Variants in CADM1 observed in about 807,000 individuals in gnomAD.
The protein encoded by CADM1 is cell adhesion molecule 1.
CADM1 carries 15 observed loss-of-function variants against 53.1 expected under a neutral mutation model. That is an observed-to-expected ratio of 0.28 (90% CI 0.19 to 0.44). CADM1 has a LOEUF of 0.44. Among genes scored for constraint, CADM1 ranks in the 20% least tolerant of loss-of-function variants. CADM1 has a pLI of 1.00. For missense variants in CADM1, 434 were observed against 611.3 expected (o/e 0.71, Z 3.06); for synonymous variants, 281 against 243.0 (o/e 1.16, Z -1.45).
chr11:115,462,825 T>C (rs1948824602), intron 1 of CADM1, among the ~76,000 whole-genome samples: 1 of 152,136 alleles, frequency 6.6e-6, no homozygotes, highest in African/African-American at 2.4e-5. Flanking sequence ...TCTATATGGC[T>C]AGCACCTAGA....
chr11:115,498,193 G>A (rs1472631961), intron 1 of CADM1, among the ~76,000 whole-genome samples: 1 of 152,020 alleles, frequency 6.6e-6, no homozygotes, highest in Non-Finnish European at 1.5e-5. Context: ...CAAAAATAAG[G>A]CCCAAATACT....
Position 115,408,185 on chromosome 11 carries a change from CTT to C in CADM1, c.124+96084_124+96085del, listed in dbSNP as rs1412537134. On this transcript the variant is annotated intron_variant, in intron 1 of 11. Coordinates refer to ENST00000331581, the MANE Select transcript of CADM1 (RefSeq NM_001301043.2). ...CAACAGCTTAAACAAAAGCCCCACT[CTT>C]TCTTATTTTTACATGTGAACACTGG... 2.6e-5 allele frequency among the ~76,000 whole-genome samples: 4 copies of C among 152,252 alleles called. No homozygotes were observed. The East Asian group carries it at 7.7e-4, about 29-fold the overall frequency.
At chr11:115,246,389 TA>T (rs1263134097) in intron 1 of CADM1, among the ~76,000 whole-genome samples, 1 of 152,208 alleles carries the variant, frequency 6.6e-6, no homozygotes, top group African/African-American at 2.4e-5. Context: ...GGCTTAGAGA[TA>T]AAATAAACTA....
chr11:115,254,957 G>A (rs764243410), intron 1 of CADM1, among the ~76,000 whole-genome samples: 1 of 152,092 alleles, frequency 6.6e-6, no homozygotes, highest in Non-Finnish European at 1.5e-5. Flanking sequence ...GAGAGGGATG[G>A]GAGGCTGAGG....
chr11:115,458,357 C>T (rs1021312669), intron 1 of CADM1, among the ~76,000 whole-genome samples: 22 of 151,978 alleles, frequency 1.4e-4, no homozygotes, highest in Non-Finnish European at 2.4e-4. Context: ...CTATCCAATG[C>T]TCAGTTTCCT....
At chr11:115,216,496 T>A (rs1402416939) in intron 6 of CADM1, among the ~76,000 whole-genome samples, 25 of 152,190 alleles carry the variant, frequency 1.6e-4, no homozygotes, top group Admixed American at 1.6e-3. Context: ...CTCCATTGGA[T>A]TATTCTGGAA....
intron 8 of CADM1, among the ~76,000 whole-genome samples, chr11:115,204,425 G>GAAAC (rs1310244683): frequency 2.0e-5 from 3 of 152,162 alleles, no homozygotes; most frequent in African/African-American, 4.8e-5. Context: ...CATGATAAGG[G>GAAAC]GTTTAGGGAG....
intron 1 of CADM1, among the ~76,000 whole-genome samples, chr11:115,406,950 TA>T (rs200226896): frequency 4.8e-3 from 655 of 135,458 alleles, no homozygotes; most frequent in Non-Finnish European, 6.4e-3. Context: ...AACTCTGTCT[TA>T]AAAAAAAAAA....
chr11:115,266,783 T>C (rs1194406520), intron 1 of CADM1, among the ~76,000 whole-genome samples: 1 of 152,236 alleles, frequency 6.6e-6, no homozygotes, highest in Non-Finnish European at 1.5e-5. Context: ...GCATTCTGTA[T>C]CTTAATAAAA....
At chr11:115,204,771 C>G (rs562632318) in intron 8 of CADM1, among the ~76,000 whole-genome samples, 6 of 152,144 alleles carry the variant, frequency 3.9e-5, no homozygotes, top group Non-Finnish European at 7.3e-5. Context: ...CTATACCCAC[C>G]TTCTTTATGT....
At chr11:115,398,129 C>T (rs1314422083) in intron 1 of CADM1, among the ~76,000 whole-genome samples, 2 of 152,196 alleles carry the variant, frequency 1.3e-5, no homozygotes, top group Non-Finnish European at 2.9e-5. Context: ...ATCCCCTCTT[C>T]CGTGAGGTTT....
At chr11:115,282,619 G>T (rs565404131) in intron 1 of CADM1, among the ~76,000 whole-genome samples, 2 of 152,190 alleles carry the variant, frequency 1.3e-5, no homozygotes, top group Non-Finnish European at 2.9e-5. Context: ...CTGGGGAGCT[G>T]TGATGGGAGG....
intron 5 of CADM1, among the ~76,000 whole-genome samples, chr11:115,218,981 T>C (rs906268196): frequency 2.7e-5 from 4 of 149,380 alleles, no homozygotes; most frequent in Non-Finnish European, 4.5e-5. Context: ...GATCGTTTTT[T>C]TCAGTGCTGA....
At chr11:115,473,810 A>T (rs1243951891) in intron 1 of CADM1, among the ~76,000 whole-genome samples, 2 of 152,184 alleles carry the variant, frequency 1.3e-5, no homozygotes, top group Non-Finnish European at 2.9e-5. Context: ...CATCAAAAAC[A>T]CAACCCATAA....
intron 1 of CADM1, among the ~76,000 whole-genome samples, chr11:115,472,049 C>G (rs1196675790): frequency 2.0e-5 from 3 of 152,178 alleles, no homozygotes; most frequent in South Asian, 4.1e-4. Flanking sequence ...AAATTGACTA[C>G]AGATTTGACC....
intron 1 of CADM1, among the ~76,000 whole-genome samples, chr11:115,432,536 G>C (rs1948082809): frequency 6.6e-6 from 1 of 152,110 alleles, no homozygotes; most frequent in Non-Finnish European, 1.5e-5. Flanking sequence ...TGATCAATAA[G>C]TGTTTAATGA....
intron 1 of CADM1, among the ~76,000 whole-genome samples, chr11:115,430,326 CTTTATTTA>C (rs919207575): frequency 6.6e-6 from 1 of 152,000 alleles, no homozygotes; most frequent in Non-Finnish European, 1.5e-5. Context: ...TCCTGACAAT[CTTTATTTA>C]TTTAAGATTT....
intron 1 of CADM1, among the ~76,000 whole-genome samples, chr11:115,391,814 A>G (rs892259510): frequency 6.6e-6 from 1 of 152,198 alleles, no homozygotes; most frequent in African/African-American, 2.4e-5. Flanking sequence ...GCCTGATTAA[A>G]GGCAGAGTTC....
intron 1 of CADM1, among the ~76,000 whole-genome samples, chr11:115,277,758 T>C (rs1442671849): frequency 6.6e-6 from 1 of 152,138 alleles, no homozygotes; most frequent in Admixed American, 6.5e-5. Flanking sequence ...ATGCTGAAAC[T>C]ACCAAAAAGA....
Sources: allele counts gnomAD v4.1 joint callset (sites outside exome capture counted in the v4.1 genomes callset), GRCh38; gene constraint gnomAD v4.1.1; transcripts MANE v1.5; gene names NCBI Gene and HGNC (gene_info 2026-07-23, HGNC 2026-07-21).